Variants in ILRUN observed in about 807,000 individuals in gnomAD.
The protein encoded by ILRUN is protein ILRUN.
Under a neutral mutation model 33.8 loss-of-function variants are expected in ILRUN, and 3 were observed. The observed-to-expected ratio is 0.09, with a 90% confidence interval of 0.04 to 0.23. The LOEUF (loss-of-function observed/expected upper bound fraction) is 0.23. Among genes scored for constraint, ILRUN ranks in the 10% least tolerant of loss-of-function variants. The pLI is 1.00. For missense variants in ILRUN, 210 were observed against 375.1 expected (o/e 0.56, Z 3.64); for synonymous variants, 124 against 138.9 (o/e 0.89, Z 0.75).
chr6:34,624,264 T>C (rs1762069479), intron 3 of ILRUN, among the ~76,000 whole-genome samples: 2 of 152,384 alleles, frequency 1.3e-5, no homozygotes, highest in Admixed American at 6.5e-5. Context: ...CAAGTATTTA[T>C]TAATTCTATA....
chr6:34,590,585 A>T lies in ILRUN; in HGVS notation c.877T>A (p.Tyr293Asn). Residue 293 changes from tyrosine to asparagine, a missense_variant, in exon 5 of 5, where the codon TAC becomes AAC. Around this residue, in one of 4 missense-constraint regions of ILRUN, gnomAD observed 81 missense variants for 97.0 expected, o/e 0.84. Coordinates refer to ENST00000374023, the MANE Select transcript of ILRUN (RefSeq NM_024294.4). Reference protein sequence around the residue: ...VTYSKGLHGPYPFGQS With the variant: ...VTYSKGLHGPNPFGQS The stretch of plus-strand genomic sequence containing the variant: ...CCCGTTTAAGACTGGCCGAAGGGGT[A>T]AGGCCCATGGAGCCCCTGGAAGAGA... The T allele has an allele frequency of 6.2e-7, 1 of 1,613,268 alleles. No homozygotes were observed.
At position 34,614,443 on chromosome 6, in the gene ILRUN, A is replaced by AAAAAAAAAT. The variant is rs71000073; in HGVS notation, c.512-7540_512-7539insATTTTTTTT. Among the ~76,000 whole-genome samples, 123 of 133,576 alleles carry AAAAAAAAAT rather than the reference A, an allele frequency of 9.2e-4. 2 individuals are homozygous for AAAAAAAAAT. Among genetic ancestry groups the AAAAAAAAAT allele is most frequent in the African/African-American group, 3.4e-3 (109 of 32,490 alleles). 87.6% of individuals were successfully genotyped at this position (133,576 alleles called of 152,430 possible). ...TCTCAAAAAATAATAAAAAAAAAAA[A>AAAAAAAAAT]ATATATATATATAAAATGTATATTA... On this transcript the variant is annotated intron_variant, in intron 3 of 4. Transcript: ENST00000374023.
intron 1 of ILRUN, among the ~76,000 whole-genome samples, chr6:34,691,668 C>T (rs915633905): frequency 6.6e-6 from 1 of 151,992 alleles, no homozygotes; most frequent in Non-Finnish European, 1.5e-5. Context: ...TGGTCGTGGG[C>T]GCCCACAGTC....
intron 1 of ILRUN, among the ~76,000 whole-genome samples, chr6:34,658,005 C>A (rs905753102): frequency 6.6e-6 from 1 of 152,124 alleles, no homozygotes. Context: ...TAAAAGTACC[C>A]TGAAGAACAA....
At chr6:34,605,318 CAAAAAAAAAA>C (rs78612898) in intron 4 of ILRUN, among the ~76,000 whole-genome samples, 1,188 of 74,162 alleles carry the variant, frequency 0.016, 8 homozygotes, top group Non-Finnish European at 0.022. Context: ...AAAACAAAAA[CAAAAAAAAAA>C]AAAAAAAAAA....
At position 34,683,397 on chromosome 6, in the gene ILRUN, C is replaced by CACATACATACATATATATACATATATAT. The variant is rs1562032656; in HGVS notation, c.158+13048_158+13049insATATATATGTATATATATGTATGTATGT. Among the ~76,000 whole-genome samples the CACATACATACATATATATACATATATAT allele has an allele frequency of 4.6e-4, 51 of 112,034 alleles. 1 individual carries two copies. Among genetic ancestry groups the CACATACATACATATATATACATATATAT allele is most frequent in the African/African-American group, 2.1e-3 (49 of 22,838 alleles). 73.5% of individuals were successfully genotyped at this position (112,034 alleles called of 152,430 possible). On this transcript the variant is annotated intron_variant, in intron 1 of 4. Coordinates refer to ENST00000374023, the MANE Select transcript of ILRUN (RefSeq NM_024294.4). ...CATAGAAAATTCTGTTATATATATGCACATATATACATATATATATACATA... is the reference window on the plus strand; with the variant it reads ...CATAGAAAATTCTGTTATATATATGCACATACATACATATATATACATATATATACATATATACATATATATATACATA...
intron 1 of ILRUN, among the ~76,000 whole-genome samples, chr6:34,677,444 G>A (rs1405104049): frequency 6.6e-6 from 1 of 152,086 alleles, no homozygotes; most frequent in Non-Finnish European, 1.5e-5. Flanking sequence ...ATGAAAAACA[G>A]ATATGGAAAG....
At position 34,588,329 on chromosome 6, in the gene ILRUN, G is replaced by A. The variant is rs749440084; in HGVS notation, c.*2236C>T. On this transcript the variant is annotated 3_prime_UTR_variant, in exon 5 of 5. Transcript: ENST00000374023. Reference sequence around the variant, plus strand: ...CTCTGGCAGGCCCAGACCCACTGACGGTGGCCCATGAAGCCCCTGCTGGGA... The same window carrying A: ...CTCTGGCAGGCCCAGACCCACTGACAGTGGCCCATGAAGCCCCTGCTGGGA... 22 of 397,982 alleles carry A rather than the reference G, an allele frequency of 5.5e-5. No homozygotes were observed. In the East Asian group the frequency reaches 7.5e-4, roughly 14 times the overall value. 24.7% of individuals were successfully genotyped at this position (397,982 alleles called of 1,614,324 possible). A position where few individuals can be genotyped will look rare whatever the true frequency, so the allele number is the denominator to read the frequency against.
At chr6:34,681,845 A>ATTTT (rs1168522578) in intron 1 of ILRUN, among the ~76,000 whole-genome samples, 13 of 85,400 alleles carry the variant, frequency 1.5e-4, no homozygotes, top group East Asian at 4.0e-4. Flanking sequence ...CCACCACTAC[A>ATTTT]TTTTTTTTTT....
intron 3 of ILRUN, among the ~76,000 whole-genome samples, chr6:34,644,728 G>A (rs1000046463): frequency 6.6e-6 from 1 of 152,132 alleles, no homozygotes; most frequent in Non-Finnish European, 1.5e-5. Context: ...AATGAAGGGG[G>A]AGGGATGAAT....
intron 4 of ILRUN, among the ~76,000 whole-genome samples, chr6:34,595,467 G>A (rs1582029172): frequency 2.6e-5 from 4 of 152,312 alleles, no homozygotes; most frequent in African/African-American, 9.6e-5. Context: ...CTTCTATGAC[G>A]ACAGAAGCTG....
chr6:34,683,057 C>CA (rs549443199), intron 1 of ILRUN, among the ~76,000 whole-genome samples: 48 of 142,722 alleles, frequency 3.4e-4, no homozygotes, highest in African/African-American at 4.1e-4. Context: ...GTTACCCCAA[C>CA]AAAAAAAAAA....
intron 1 of ILRUN, among the ~76,000 whole-genome samples, chr6:34,685,015 G>T (rs1221655054): frequency 6.6e-6 from 1 of 152,212 alleles, no homozygotes; most frequent in Admixed American, 6.5e-5. Context: ...TCTAGCAGTG[G>T]TATGTCCACA....
In ILRUN at chr6:34,589,473, A is replaced by G. The variant is rs1472731777; in HGVS notation, c.*1092T>C. On this transcript the variant is annotated 3_prime_UTR_variant, in exon 5 of 5. Coordinates refer to ENST00000374023, the MANE Select transcript of ILRUN (RefSeq NM_024294.4). ...TTCATACCTCTACAGATCAGCCGCC[A>G]CTAACAGGCTGTGAAAATATCAGAG... 6.6e-6 allele frequency: 1 copy of G among 152,248 alleles called. No individual in the cohort carries two copies. The highest frequency in any genetic ancestry group is 1.5e-5 in the Non-Finnish European group (1 of 68,042). 9.4% of individuals were successfully genotyped at this position (152,248 alleles called of 1,614,324 possible). A position where few individuals can be genotyped will look rare whatever the true frequency, so the allele number is the denominator to read the frequency against.
intron 1 of ILRUN, among the ~76,000 whole-genome samples, chr6:34,658,879 G>C (rs114161588): frequency 0.012 from 1,804 of 152,290 alleles, 34 homozygotes; most frequent in African/African-American, 0.037. Flanking sequence ...AAGCAGCTAA[G>C]CCTTTCCCCA....
intron 4 of ILRUN, 70 bp from the exon 5 acceptor site, chr6:34,590,670 A>G: frequency 8.9e-7 from 1 of 1,122,708 alleles, no homozygotes; most frequent in Non-Finnish European, 1.4e-6. Flanking sequence ...ACCAAGTGCA[A>G]GATCTATGGT....
intron 3 of ILRUN, among the ~76,000 whole-genome samples, chr6:34,624,776 T>C (rs1241637077): frequency 2.6e-5 from 4 of 152,238 alleles, no homozygotes; most frequent in East Asian, 1.9e-4. Flanking sequence ...ATACGCCTCA[T>C]TGGTCTTTTA....
intron 3 of ILRUN, among the ~76,000 whole-genome samples, chr6:34,645,020 C>T (rs1469784139): frequency 6.6e-6 from 1 of 152,110 alleles, no homozygotes; most frequent in Non-Finnish European, 1.5e-5. Context: ...ACAGTAGGTA[C>T]AAAGGCTTTA....
chr6:34,623,715 G>C (rs1762055274), intron 3 of ILRUN, among the ~76,000 whole-genome samples: 1 of 152,124 alleles, frequency 6.6e-6, no homozygotes, highest in South Asian at 2.1e-4. Context: ...AATCATTTTG[G>C]CATTAATGTT....
Sources: gnomAD v4.1 joint callset for allele counts (sites outside exome capture counted in the v4.1 genomes callset) on GRCh38, gnomAD v4.1.1 for gene constraint, gnomAD v4.1.1 regional missense constraint, MANE v1.5 for transcripts, NCBI Gene and HGNC (gene_info 2026-07-23, HGNC 2026-07-21) for gene names.